Variants in ADAM9 observed in about 807,000 individuals in gnomAD.
The protein encoded by ADAM9 is disintegrin and metalloproteinase domain-containing protein 9.
Under a neutral mutation model 108.1 loss-of-function variants are expected in ADAM9, and 54 were observed. That is an observed-to-expected ratio of 0.50 (90% CI 0.40 to 0.63). The LOEUF is 0.63. Among genes scored for constraint, ADAM9 ranks in the 20% least tolerant of loss-of-function variants. The pLI is 0.00. For missense variants in ADAM9, 830 were observed against 997.7 expected (o/e 0.83, Z 2.26); for synonymous variants, 316 against 336.0 (o/e 0.94, Z 0.65).
intron 18 of ADAM9, among the ~76,000 whole-genome samples, chr8:39,085,281 G>A (rs1352790463): frequency 6.6e-6 from 1 of 151,940 alleles, no homozygotes; most frequent in East Asian, 1.9e-4. Flanking sequence ...CTCATTTTGT[G>A]CCATTGTTGT....
rs1225238163 is a variant in ADAM9, at chr8:39,044,924, ATG to A, written c.1302+2814_1302+2815del. On this transcript the variant is annotated intron_variant, in intron 12 of 21. Coordinates refer to ENST00000487273, the MANE Select transcript of ADAM9 (RefSeq NM_003816.3). ...TGCACACATACATATGTATGTATAT[ATG>A]TGTGTGCACACATACCTATGTATGT... 1.3e-4 allele frequency among the ~76,000 whole-genome samples: 19 copies of A among 140,954 alleles called. 1 individual carries two copies. Among genetic ancestry groups the A allele is most frequent in the South Asian group, 1.3e-3 (6 of 4,770 alleles). The allele number at this position is 140,954 out of a possible 152,430, so 92.5% of individuals were successfully genotyped here. A position where few individuals can be genotyped will look rare whatever the true frequency, so the allele number is the denominator to read the frequency against.
At chr8:39,003,229 A>G (rs1180829823) in intron 1 of ADAM9, among the ~76,000 whole-genome samples, 2 of 152,294 alleles carry the variant, frequency 1.3e-5, no homozygotes, top group South Asian at 2.1e-4. Flanking sequence ...CTTCATTGGC[A>G]GTCTGGGTAA....
chr8:39,100,849 C>G (rs888494710), intron 20 of ADAM9, among the ~76,000 whole-genome samples: 1 of 152,204 alleles, frequency 6.6e-6, no homozygotes, highest in Non-Finnish European at 1.5e-5. Context: ...TCCATCTGAT[C>G]ATTCCTAACG....
At position 39,082,873 on chromosome 8, in the gene ADAM9, A is replaced by G. The variant is rs139725979; in HGVS notation, c.1963-95A>G. ...TCTTAAACAGTGTCAGTAAGCTTGTATGAATTTAGTCCTTTCTCTTGGTTT... is the reference window on the plus strand; with the variant it reads ...TCTTAAACAGTGTCAGTAAGCTTGTGTGAATTTAGTCCTTTCTCTTGGTTT... On this transcript the variant is annotated intron_variant, in intron 17 of 21. Coordinates refer to ENST00000487273, the MANE Select transcript of ADAM9 (RefSeq NM_003816.3). 1.0e-3 allele frequency: 1,368 copies of G among 1,337,358 alleles called. 23 individuals are homozygous for G. The East Asian group carries it at 0.025, about 25-fold the overall frequency. 82.8% of individuals were successfully genotyped at this position (1,337,358 alleles called of 1,614,324 possible).
At chr8:39,014,130 A>C (rs1251577414) in intron 4 of ADAM9, 87 bp downstream of exon 4, 2 of 1,045,682 alleles carry the variant, frequency 1.9e-6, no homozygotes, top group Non-Finnish European at 3.0e-6. Context: ...CAGGACTGTT[A>C]CATTGCACAG....
chr8:39,099,413 C>T (rs1839613417), intron 20 of ADAM9, among the ~76,000 whole-genome samples: 1 of 152,144 alleles, frequency 6.6e-6, no homozygotes, highest in African/African-American at 2.4e-5. Flanking sequence ...ATATTTTAGG[C>T]AGCATTTTAG....
intron 20 of ADAM9, among the ~76,000 whole-genome samples, chr8:39,097,539 C>T (rs1839548427): frequency 6.6e-6 from 1 of 152,096 alleles, no homozygotes. Flanking sequence ...AACTCCTGAC[C>T]TCGTGATCCG....
intron 21 of ADAM9, 133 bp downstream of exon 21, chr8:39,102,063 C>T (rs1839715009): frequency 2.5e-6 from 2 of 798,738 alleles, no homozygotes; most frequent in Non-Finnish European, 4.1e-6. Context: ...ATATGATTTG[C>T]AGAAAGGTTT....
At chr8:39,059,048 G>T (rs974750543) in intron 14 of ADAM9, among the ~76,000 whole-genome samples, 3 of 152,210 alleles carry the variant, frequency 2.0e-5, no homozygotes, top group Non-Finnish European at 4.4e-5. Context: ...CTTCAGGATG[G>T]TGGGGAAGGA....
intron 18 of ADAM9, among the ~76,000 whole-genome samples, chr8:39,085,155 C>A (rs544035063): frequency 1.3e-5 from 2 of 151,918 alleles, no homozygotes; most frequent in Non-Finnish European, 2.9e-5. Flanking sequence ...TAAGTTGTTT[C>A]GATAATTTAT....
intron 1 of ADAM9, among the ~76,000 whole-genome samples, chr8:39,003,547 A>T (rs553149322): frequency 6.6e-6 from 1 of 152,038 alleles, no homozygotes; most frequent in Non-Finnish European, 1.5e-5. Flanking sequence ...TGAACAGGAA[A>T]AAAGAAAAAA....
At position 39,025,793 on chromosome 8, in the gene ADAM9, T is replaced by C; in HGVS notation, c.915-10T>C. The C allele has an allele frequency of 6.2e-7, 1 of 1,613,726 alleles. No individual in the cohort carries two copies. Among genetic ancestry groups the C allele is most frequent in the East Asian group, 2.2e-5 (1 of 44,872 alleles). On this transcript the variant is annotated splice_polypyrimidine_tract_variant and intron_variant, in intron 9 of 21. Transcript: ENST00000487273. ...CAAGAACATTTTTTAACTTTTACAT[T>C]TTCATTTAGAAAGAAAGGTTTTGGT...
intron 11 of ADAM9, among the ~76,000 whole-genome samples, chr8:39,032,379 C>T (rs1001356633): frequency 2.6e-5 from 4 of 152,260 alleles, no homozygotes; most frequent in Non-Finnish European, 5.9e-5. Context: ...TCAGCAATGG[C>T]AGACGCCCCT....
intron 20 of ADAM9, among the ~76,000 whole-genome samples, chr8:39,100,090 C>G (rs1839640781): frequency 6.6e-6 from 1 of 151,762 alleles, no homozygotes; most frequent in African/African-American, 2.4e-5. Flanking sequence ...CCAGGCTGGT[C>G]TTGAACTCCT....
chr8:39,003,142 A>C (rs923397292), intron 1 of ADAM9, among the ~76,000 whole-genome samples: 1 of 152,252 alleles, frequency 6.6e-6, no homozygotes, highest in African/African-American at 2.4e-5. Flanking sequence ...TTGGTTTTCA[A>C]AATGAGAATT....
At chr8:39,088,311 G>A (rs1320216969) in intron 18 of ADAM9, among the ~76,000 whole-genome samples, 3 of 150,834 alleles carry the variant, frequency 2.0e-5, no homozygotes, top group East Asian at 1.9e-4. Flanking sequence ...TGTTGCCCAC[G>A]CTGGAGTGCA....
chr8:39,053,074 C>T (rs1326489407), intron 12 of ADAM9, among the ~76,000 whole-genome samples: 1 of 152,026 alleles, frequency 6.6e-6, no homozygotes, highest in African/African-American at 2.4e-5. Context: ...TTTGCATTTC[C>T]TTAGTAACTA....
intron 2 of ADAM9, among the ~76,000 whole-genome samples, chr8:39,009,964 A>AAC (rs1554572507): frequency 2.8e-5 from 3 of 106,530 alleles, no homozygotes; most frequent in East Asian, 3.4e-4. Context: ...ACAAAAACAA[A>AAC]CCCCCCCCCC....
intron 14 of ADAM9, among the ~76,000 whole-genome samples, chr8:39,066,379 G>C: frequency 6.6e-6 from 1 of 152,184 alleles, no homozygotes; most frequent in East Asian, 1.9e-4. Context: ...CAGTGTAAAA[G>C]TGTTCCTATT....
Sources: allele counts gnomAD v4.1 joint callset (sites outside exome capture counted in the v4.1 genomes callset), GRCh38; gene constraint gnomAD v4.1.1; transcripts MANE v1.5; gene names NCBI Gene and HGNC (gene_info 2026-07-23, HGNC 2026-07-21).